Variants in DCLK2 observed in about 807,000 individuals in gnomAD.
The protein encoded by DCLK2 is serine/threonine-protein kinase DCLK2.
In DCLK2, 31 loss-of-function variants were observed where a neutral mutation model predicts 78.4. That is an observed-to-expected ratio of 0.40 (90% CI 0.30 to 0.53). The LOEUF (loss-of-function observed/expected upper bound fraction) is 0.53. Ranked by LOEUF, DCLK2 falls within the 20% of genes least tolerant of loss-of-function variation. The pLI, the probability that DCLK2 is intolerant of heterozygous loss-of-function variation, is 0.61. For missense variants in DCLK2, 872 were observed against 973.7 expected (o/e 0.90, Z 1.39); for synonymous variants, 407 against 374.9 (o/e 1.09, Z -0.99).
intron 4 of DCLK2, chr4:150,198,910 ACC>A (rs397805427): frequency 1.1e-3 from 260 of 239,320 alleles, no homozygotes; most frequent in East Asian, 6.8e-3. Context: ...CCCTTTCAGC[ACC>A]CCCCCCCCCA....
intron 1 of DCLK2, among the ~76,000 whole-genome samples, chr4:150,093,977 AACAAAT>A (rs1730286923): frequency 6.6e-6 from 1 of 152,218 alleles, no homozygotes; most frequent in Non-Finnish European, 1.5e-5. Flanking sequence ...CAGATTCTTC[AACAAAT>A]GGTGTTGGGA....
In DCLK2 at chr4:150,097,506, G is replaced by A. The variant is rs142024810; in HGVS notation, c.422-4972G>A. Among the ~76,000 whole-genome samples the A allele has an allele frequency of 7.6e-4, 116 of 152,232 alleles. 1 individual carries two copies. Among genetic ancestry groups the A allele is most frequent in the African/African-American group, 2.7e-3 (112 of 41,548 alleles). ...ATGACCTCTTTCTTCTTGAATAAGA[G>A]GCAGTTCATTTGGTTGAGTAAGGAT... is the stretch of plus-strand genomic sequence containing the variant. On this transcript the variant is annotated intron_variant, in intron 1 of 15. Coordinates refer to ENST00000296550, the MANE Select transcript of DCLK2 (RefSeq NM_001040260.4).
chr4:150,209,274 T>C (rs1210859538), intron 5 of DCLK2, among the ~76,000 whole-genome samples: 2 of 152,176 alleles, frequency 1.3e-5, no homozygotes, highest in East Asian at 1.9e-4. Flanking sequence ...GGGCTGCTCC[T>C]GGTGATGGTC....
intron 5 of DCLK2, among the ~76,000 whole-genome samples, chr4:150,218,574 G>A (rs1009279440): frequency 2.6e-5 from 4 of 152,272 alleles, no homozygotes; most frequent in Admixed American, 6.5e-5. Flanking sequence ...TGGAGAGCAG[G>A]GACCCAGGTA....
chr4:150,232,320 T>C lies in DCLK2; in HGVS notation c.1300-17T>C. 6.2e-7 allele frequency: 1 copy of C among 1,613,126 alleles called. No homozygotes were observed. Among genetic ancestry groups the C allele is most frequent in the Non-Finnish European group, 8.5e-7 (1 of 1,179,572 alleles). On this transcript the variant is annotated splice_polypyrimidine_tract_variant and intron_variant, in intron 8 of 15. Coordinates refer to ENST00000296550, the MANE Select transcript of DCLK2 (RefSeq NM_001040260.4). ...TCTGTGATTTCTGATCTCCTCTCTA[T>C]ACCGTTCATTTGACAGGAACACCTG...
chr4:150,197,976 G>A, intron 3 of DCLK2, 26 bp from the exon 4 acceptor site: 1 of 1,588,586 alleles, frequency 6.3e-7, no homozygotes, highest in Non-Finnish European at 8.6e-7. Flanking sequence ...ACCAGATTTA[G>A]TTAATGCACT....
At chr4:150,201,320 T>C (rs1739433677) in intron 4 of DCLK2, among the ~76,000 whole-genome samples, 1 of 152,086 alleles carries the variant, frequency 6.6e-6, no homozygotes, top group African/African-American at 2.4e-5. Flanking sequence ...TACCTTCCAC[T>C]TGCGGCAGCA....
chr4:150,229,032 CAAAA>C (rs777461441), intron 8 of DCLK2, among the ~76,000 whole-genome samples: 1 of 103,728 alleles, frequency 9.6e-6, no homozygotes, highest in Non-Finnish European at 2.0e-5. Flanking sequence ...GACTCCGTCT[CAAAA>C]AAAAAACAAA....
chr4:150,099,605 A>G (rs1272561154), intron 1 of DCLK2, among the ~76,000 whole-genome samples: 1 of 152,192 alleles, frequency 6.6e-6, no homozygotes, highest in Admixed American at 6.5e-5. Flanking sequence ...AAACACTAAA[A>G]CCATGTGCTG....
intron 5 of DCLK2, among the ~76,000 whole-genome samples, chr4:150,219,649 C>T (rs748860631): frequency 6.6e-6 from 1 of 152,182 alleles, no homozygotes; most frequent in Non-Finnish European, 1.5e-5. Context: ...TGTTACGTGT[C>T]AGAGACAAAG....
chr4:150,189,816 A>G lies in DCLK2; in HGVS notation c.757-3322A>G, dbSNP rs139900979. Among the ~76,000 whole-genome samples, 20 of 151,738 alleles carry G rather than the reference A, an allele frequency of 1.3e-4. No homozygotes were observed. The East Asian group carries it at 2.5e-3, about 19-fold the overall frequency. On this transcript the variant is annotated intron_variant, in intron 2 of 15. Coordinates refer to ENST00000296550, the MANE Select transcript of DCLK2 (RefSeq NM_001040260.4). Reference sequence around the variant, plus strand: ...TTCATTTGGCAAACCTGTATCAAGCACCCGCTAAAGCCAGGAACTCTACTA... The same window carrying G: ...TTCATTTGGCAAACCTGTATCAAGCGCCCGCTAAAGCCAGGAACTCTACTA...
chr4:150,190,519 C>A (rs994217970), intron 2 of DCLK2, among the ~76,000 whole-genome samples: 1 of 152,020 alleles, frequency 6.6e-6, no homozygotes, highest in African/African-American at 2.4e-5. Flanking sequence ...ACCTTAAAAA[C>A]GTGCTAAGTA....
chr4:150,201,434 T>A (rs1337205867), intron 4 of DCLK2, among the ~76,000 whole-genome samples: 1 of 152,170 alleles, frequency 6.6e-6, no homozygotes, highest in Admixed American at 6.6e-5. Flanking sequence ...TAAGAACTAC[T>A]CATTCAAGCA....
intron 2 of DCLK2, among the ~76,000 whole-genome samples, chr4:150,118,084 G>A (rs944226794): frequency 6.6e-6 from 1 of 152,166 alleles, no homozygotes; most frequent in African/African-American, 2.4e-5. Context: ...CCCAGGAAGT[G>A]TGATTCTGGA....
chr4:150,096,267 C>T (rs905046303), intron 1 of DCLK2, among the ~76,000 whole-genome samples: 3 of 152,220 alleles, frequency 2.0e-5, no homozygotes, highest in Admixed American at 6.5e-5. Context: ...GTGGTTATTC[C>T]GTTCAATACT....
chr4:150,198,923 C>CCTT, intron 4 of DCLK2: 1 of 477,806 alleles, frequency 2.1e-6, no homozygotes, highest in Middle Eastern at 4.9e-4. Context: ...CCCCCCCCCA[C>CCTT]TTTCTGTAGG....
intron 5 of DCLK2, among the ~76,000 whole-genome samples, chr4:150,211,079 G>T (rs1740276020): frequency 1.3e-5 from 2 of 152,160 alleles, no homozygotes; most frequent in Non-Finnish European, 2.9e-5. Context: ...TAACTGGGTG[G>T]TTCTGGCTCA....
chr4:150,147,532 G>A (rs1421850381), intron 2 of DCLK2, among the ~76,000 whole-genome samples: 1 of 152,212 alleles, frequency 6.6e-6, no homozygotes, highest in Admixed American at 6.5e-5. Context: ...AAGTTGTACA[G>A]ATATTTTGTC....
chr4:150,234,735 A>C (rs2126579657), intron 10 of DCLK2, among the ~76,000 whole-genome samples: 1 of 151,804 alleles, frequency 6.6e-6, no homozygotes, highest in Admixed American at 6.5e-5. Flanking sequence ...AGGAAAAGAA[A>C]TATCCCTGCT....
Sources: gnomAD v4.1 joint callset for allele counts (sites outside exome capture counted in the v4.1 genomes callset) on GRCh38, gnomAD v4.1.1 for gene constraint, MANE v1.5 for transcripts, NCBI Gene and HGNC (gene_info 2026-07-23, HGNC 2026-07-21) for gene names.